The following GRIA3 variants were observed in gnomAD, a reference collection of about 807,000 sequenced individuals.
GRIA3 encodes the protein glutamate ionotropic receptor AMPA type subunit 3.
In GRIA3, 3 loss-of-function variants were observed where a neutral mutation model predicts 63.0. That is an observed-to-expected ratio of 0.05 (90% confidence interval 0.02 to 0.12). GRIA3 has a LOEUF of 0.12. Among genes scored for constraint, GRIA3 ranks in the 10% least tolerant of loss-of-function variants. GRIA3 has a pLI of 1.00. For missense variants in GRIA3, 347 were observed against 700.9 expected, an observed-to-expected ratio of 0.50 and a Z score of 5.70; for synonymous variants, 274 against 257.9, an observed-to-expected ratio of 1.06 and a Z score of -0.60.
rs141926940 is a variant in GRIA3, at chrX:123,381,945, G to T, written c.751-13023G>T. On this transcript the variant is annotated intron_variant, in intron 5 of 15. Coordinates refer to ENST00000620443, the MANE Select transcript of GRIA3 (RefSeq NM_007325.5). ...CTTATTAATCAGTTCTGCTGCATTA[G>T]TGTTTCTTCAGAAGGTTTAGGGAAA... Among the ~76,000 whole-genome samples the T allele has an allele frequency of 1.6e-3, 184 of 111,930 alleles. 2 individuals are homozygous for T. The highest frequency in any genetic ancestry group is 5.6e-3 in the African/African-American group (173 of 30,855).
At chrX:123,221,856 T>C (rs1397002362) in intron 2 of GRIA3, among the ~76,000 whole-genome samples, 1 of 111,410 alleles carries the variant, frequency 9.0e-6, no homozygotes, top group Non-Finnish European at 1.9e-5. Context: ...AAAATCCATG[T>C]TTTTTCCAAG....
chrX:123,299,663 G>A (rs1212945746), intron 3 of GRIA3, among the ~76,000 whole-genome samples: 3 of 111,520 alleles, frequency 2.7e-5, no homozygotes, highest in African/African-American at 9.8e-5. Flanking sequence ...ATAGGATCAT[G>A]TCATCTGCCA....
intron 8 of GRIA3, 65 bp from the exon 9 acceptor site, chrX:123,403,347 C>T: frequency 2.6e-6 from 2 of 759,126 alleles, no homozygotes; most frequent in Non-Finnish European, 4.1e-6. Context: ...AACAGCACTT[C>T]AATTTCATGC....
intron 3 of GRIA3, among the ~76,000 whole-genome samples, chrX:123,315,661 C>T (rs1309537925): frequency 3.6e-5 from 4 of 111,827 alleles, no homozygotes; most frequent in Admixed American, 9.5e-5. Context: ...AAATTGAGCT[C>T]ATCATCTTTC....
At chrX:123,190,626 A>T (rs1927406616) in intron 2 of GRIA3, among the ~76,000 whole-genome samples, 1 of 111,446 alleles carries the variant, frequency 9.0e-6, no homozygotes. Flanking sequence ...GAAGGAAAGG[A>T]ATAAAGGGAA....
chrX:123,316,660 G>T (rs781091099), intron 3 of GRIA3, among the ~76,000 whole-genome samples: 7 of 112,307 alleles, frequency 6.2e-5, no homozygotes, highest in Non-Finnish European at 1.3e-4. Context: ...ATAAGTTATA[G>T]TATGTCTAAA....
intron 9 of GRIA3, 98 bp downstream of exon 9, chrX:123,403,617 CA>C (rs2045455061): frequency 6.5e-6 from 4 of 611,002 alleles, no homozygotes; most frequent in Non-Finnish European, 1.1e-5. Flanking sequence ...CAAGTTCAAA[CA>C]GTAAAAACTT....
At chrX:123,318,482 T>G (rs943958197) in intron 3 of GRIA3, among the ~76,000 whole-genome samples, 23 of 112,020 alleles carry the variant, frequency 2.1e-4, no homozygotes, top group Non-Finnish European at 5.6e-5. Context: ...AAATTTCTTC[T>G]GCCAGATACC....
rs377278076 is a variant in GRIA3, at chrX:123,315,341, A to T, written c.509-10685A>T. 8.0e-5 allele frequency among the ~76,000 whole-genome samples: 9 copies of T among 112,401 alleles called. No homozygotes were observed. In the East Asian group the frequency reaches 8.4e-4, roughly 10 times the overall value. On this transcript the variant is annotated intron_variant, in intron 3 of 15. Transcript: ENST00000620443. ...GACTGACATCCATATGCAAATATAAAGGGGTTCTTGATCTTCCCATATCAA... is the reference window on the plus strand; with the variant it reads ...GACTGACATCCATATGCAAATATAATGGGGTTCTTGATCTTCCCATATCAA...
chrX:123,370,858 A>G (rs1172827348), intron 5 of GRIA3, among the ~76,000 whole-genome samples: 2 of 110,480 alleles, frequency 1.8e-5, no homozygotes, highest in Non-Finnish European at 3.8e-5. Flanking sequence ...AACATTGGGT[A>G]TCCATCCCCT....
At chrX:123,456,114 C>G (rs912659740) in intron 12 of GRIA3, among the ~76,000 whole-genome samples, 17 of 111,202 alleles carry the variant, frequency 1.5e-4, no homozygotes, top group African/African-American at 5.6e-4. Context: ...CCCTCCCTTA[C>G]CCTCAGTTCC....
intron 12 of GRIA3, among the ~76,000 whole-genome samples, chrX:123,442,185 A>G (rs2045677639): frequency 8.9e-6 from 1 of 112,465 alleles, no homozygotes; most frequent in African/African-American, 3.2e-5. Context: ...CATAGTCCAT[A>G]GTCCTGTCTT....
intron 5 of GRIA3, among the ~76,000 whole-genome samples, chrX:123,359,855 C>T (rs2045157646): frequency 8.9e-6 from 1 of 112,062 alleles, no homozygotes; most frequent in African/African-American, 3.2e-5. Context: ...ATTTTCCCTG[C>T]CTAGGTTGAT....
intron 5 of GRIA3, among the ~76,000 whole-genome samples, chrX:123,355,271 T>C (rs755610952): frequency 7.1e-5 from 8 of 112,411 alleles, no homozygotes; most frequent in Non-Finnish European, 1.3e-4. Context: ...AACCATGGAA[T>C]TGGGGACACA....
chrX:123,421,413 G>T (rs1283084534), intron 11 of GRIA3, among the ~76,000 whole-genome samples: 2 of 111,993 alleles, frequency 1.8e-5, no homozygotes, highest in African/African-American at 6.5e-5. Flanking sequence ...ACTATTAACA[G>T]ATTTAGAAAT....
intron 2 of GRIA3, among the ~76,000 whole-genome samples, chrX:123,251,142 C>T (rs1396705651): frequency 8.9e-6 from 1 of 112,000 alleles, no homozygotes; most frequent in Admixed American, 9.4e-5. Flanking sequence ...TAGTGCCTGG[C>T]TAAATACTAT....
At chrX:123,312,490 G>A (rs1473071493) in intron 3 of GRIA3, among the ~76,000 whole-genome samples, 1 of 112,339 alleles carries the variant, frequency 8.9e-6, no homozygotes, top group African/African-American at 3.2e-5. Flanking sequence ...AGAAGGCTGT[G>A]CCTTGCATGA....
intron 8 of GRIA3, 81 bp downstream of exon 8, chrX:123,403,179 A>G (rs2045452139): frequency 1.6e-6 from 1 of 633,758 alleles, no homozygotes; most frequent in Admixed American, 2.3e-5. Flanking sequence ...AAGTATTATT[A>G]TTTTACAAAA....
intron 2 of GRIA3, among the ~76,000 whole-genome samples, chrX:123,204,188 G>C (rs757220057): frequency 1.8e-5 from 2 of 111,934 alleles, no homozygotes; most frequent in African/African-American, 6.5e-5. Context: ...AAGCCAATGA[G>C]AGAACTAATT....
Sources: allele counts gnomAD v4.1 joint callset (sites outside exome capture counted in the v4.1 genomes callset), GRCh38; gene constraint gnomAD v4.1.1; transcripts MANE v1.5; gene names NCBI Gene and HGNC (gene_info 2026-07-23, HGNC 2026-07-21).